CCKBR: variants seen among roughly 807,000 people sequenced by gnomAD.
CCKBR encodes the protein gastrin/cholecystokinin type B receptor.
A neutral mutation model predicts 34.6 loss-of-function variants in CCKBR; 33 were observed. That is an observed-to-expected ratio of 0.95 (90% CI 0.72 to 1.27). The LOEUF (loss-of-function observed/expected upper bound fraction) is 1.27, where lower values mean the gene tolerates loss of function less well. Ranked by LOEUF, CCKBR falls within the 50% of genes most tolerant of loss-of-function variation. The probability of loss-of-function intolerance (pLI) is 0.00; values close to 1 mark genes in which losing one functional copy is unlikely to be tolerated. For synonymous variants in CCKBR, 269 were observed against 267.5 expected (o/e 1.01, Z -0.06); for missense variants, 652 against 617.4 (o/e 1.06, Z -0.59).
intron 3 of CCKBR, 100 bp downstream of exon 3, chr11:6,270,437 C>T (rs1848281415): frequency 2.0e-6 from 3 of 1,470,704 alleles, no homozygotes; most frequent in Non-Finnish European, 2.8e-6. Flanking sequence ...CGGAGAATTA[C>T]CACGCCAACT....
rs199662788 is a variant in CCKBR, at chr11:6,270,201, C to G, written c.517C>G (p.Arg173Gly). ...RVWQTRSHAA[R>G]VIVATWLLSG... ...GTGGCAGACGCGCTCCCACGCGGCT[C>G]GCGTGATTGTAGCCACGTGGCTGCT... The change falls in exon 3 of 5, where the codon CGC (arginine) becomes GGC (glycine). Residue 173 changes from arginine (R) to glycine (G), a missense_variant. Transcript: ENST00000334619. 2.5e-6 allele frequency: 4 copies of G among 1,613,534 alleles called. No individual in the cohort carries two copies. The highest frequency in any genetic ancestry group is 1.7e-6 in the Non-Finnish European group (2 of 1,180,014).
At chr11:6,260,413 T>C (rs1280879026) in intron 1 of CCKBR, among the ~76,000 whole-genome samples, 1 of 151,990 alleles carries the variant, frequency 6.6e-6, no homozygotes, top group Non-Finnish European at 1.5e-5. Context: ...TTGCCAACCC[T>C]GCAGATCTCC....
Position 6,266,947 on chromosome 11 carries a change from G to A in CCKBR, c.152-2722G>A, listed in dbSNP as rs372051283. 3.9e-5 allele frequency among the ~76,000 whole-genome samples: 6 copies of A among 152,286 alleles called. No individual in the cohort carries two copies. The East Asian group carries it at 5.8e-4, about 15-fold the overall frequency. On this transcript the variant is annotated intron_variant, in intron 1 of 4. Transcript: ENST00000334619. Reference sequence around the variant, plus strand: ...ATATTACTGTGCTGAATATTGTAGGGAAGAGTAACACAATGTTATGTATTT... The same window carrying A: ...ATATTACTGTGCTGAATATTGTAGGAAAGAGTAACACAATGTTATGTATTT...
intron 1 of CCKBR, among the ~76,000 whole-genome samples, chr11:6,265,467 C>T (rs557376405): frequency 1.3e-3 from 198 of 151,772 alleles, no homozygotes; most frequent in African/African-American, 4.3e-3. Flanking sequence ...TGAGGTGTGG[C>T]GAATTGCATC....
At position 6,271,495 on chromosome 11, in the gene CCKBR, G is replaced by A. The variant is rs200083878; in HGVS notation, c.1296G>A (p.Ser432=). The A allele has an allele frequency of 6.2e-6, 10 of 1,610,326 alleles. No homozygotes were observed. In the East Asian group the frequency reaches 1.3e-4, roughly 22 times the overall value. ...ACCCTCCCACTCCCTCCATTGCTTCGCTGTCCAGGCTTAGCTACACCACCA... is the reference window on the plus strand; with the variant it reads ...ACCCTCCCACTCCCTCCATTGCTTCACTGTCCAGGCTTAGCTACACCACCA... ...DEDPPTPSIA[S]LSRLSYTTIS... Residue 432 remains serine, a synonymous_variant, in exon 5 of 5, where the codon TCG becomes TCA. Coordinates refer to ENST00000334619, the MANE Select transcript of CCKBR (RefSeq NM_176875.4).
In CCKBR at chr11:6,271,620, A is replaced by G; in HGVS notation, c.*77A>G. The stretch of plus-strand genomic sequence containing the variant: ...CTTCCAGACATACGAAACACAAACC[A>G]CAACTGACACAGGAAACCAACACCC... On this transcript the variant is annotated 3_prime_UTR_variant, in exon 5 of 5. Transcript: ENST00000334619. 7.3e-7 allele frequency: 1 copy of G among 1,375,956 alleles called. No individual in the cohort carries two copies. Among genetic ancestry groups the G allele is most frequent in the South Asian group, 1.4e-5 (1 of 70,670 alleles). The allele number at this position is 1,375,956 out of a possible 1,614,324, so 85.2% of individuals were successfully genotyped here.
chr11:6,266,394 C>G (rs569102282), intron 1 of CCKBR, among the ~76,000 whole-genome samples: 37 of 152,284 alleles, frequency 2.4e-4, no homozygotes, highest in African/African-American at 8.9e-4. Context: ...GAGGCTGAGG[C>G]AGGAGAATCG....
intron 1 of CCKBR, among the ~76,000 whole-genome samples, chr11:6,263,253 T>G (rs1488857875): frequency 6.6e-6 from 1 of 152,234 alleles, no homozygotes; most frequent in East Asian, 1.9e-4. Flanking sequence ...CGAAGTCATT[T>G]TGGTGTTACC....
rs757183608 is a variant in CCKBR at position 6,271,166 on chromosome 11, G to A, written c.967G>A (p.Ala323Thr). 1.9e-6 allele frequency: 3 copies of A among 1,614,188 alleles called. No homozygotes were observed. The South Asian group carries it at 3.3e-5, about 18-fold the overall frequency. ...GGGATCCGGCTCCCGGCCCACCCAG[G>A]CCAAGCTGCTGGCTAAGAAGCGCGT... Reference protein sequence around the residue: ...GPGSGSRPTQAKLLAKKRVVR... With the variant: ...GPGSGSRPTQTKLLAKKRVVR... Residue 323 changes from alanine to threonine, a missense_variant, in exon 5 of 5, where the codon GCC (alanine) becomes ACC (threonine). By Grantham distance (58) the Ala-to-Thr change is moderately conservative. Transcript: ENST00000334619.
chr11:6,269,600 A>G (rs1848260264), intron 1 of CCKBR, 69 bp from the exon 2 acceptor site: 4 of 1,563,466 alleles, frequency 2.6e-6, no homozygotes, highest in South Asian at 1.2e-5. Context: ...TGGGGATAAG[A>G]CGGAAGGAGG....
intron 1 of CCKBR, among the ~76,000 whole-genome samples, chr11:6,269,336 G>C (rs1848256279): frequency 1.3e-5 from 2 of 152,112 alleles, no homozygotes; most frequent in African/African-American, 4.8e-5. Flanking sequence ...TGCACTGATA[G>C]GGCACAGAAT....
chr11:6,268,303 C>T (rs1395453567), intron 1 of CCKBR, among the ~76,000 whole-genome samples: 1 of 152,166 alleles, frequency 6.6e-6, no homozygotes, highest in African/African-American at 2.4e-5. Context: ...TTGAGGCTTT[C>T]CTTCTCTGCA....
Position 6,269,791 on chromosome 11 carries a change from T to G in CCKBR, c.274T>G (p.Phe92Val). ...CCGCCTGAGGACTGTCACCAATGCC[T>G]TCCTCCTCTCACTGGCAGTCAGCGA... ...SRRLRTVTNA[F>V]LLSLAVSDLL... Residue 92 changes from phenylalanine to valine, a missense_variant, in exon 2 of 5, where the codon TTC (phenylalanine) becomes GTC (valine). By Grantham distance (50) the Phe-to-Val change is conservative (BLOSUM62 -1). Coordinates refer to ENST00000334619, the MANE Select transcript of CCKBR (RefSeq NM_176875.4). The G allele has an allele frequency of 6.2e-7, 1 of 1,614,174 alleles. No individual in the cohort carries two copies. The highest frequency in any genetic ancestry group is 8.5e-7 in the Non-Finnish European group (1 of 1,180,018).
intron 1 of CCKBR, chr11:6,264,602 T>A: frequency 2.9e-6 from 2 of 696,626 alleles, no homozygotes; most frequent in Non-Finnish European, 5.2e-6. Context: ...ACGGGTAGAC[T>A]TATCAAGGCA....
At chr11:6,262,726 A>AGAG (rs1554919173) in intron 1 of CCKBR, among the ~76,000 whole-genome samples, 5 of 112,498 alleles carry the variant, frequency 4.4e-5, no homozygotes, top group African/African-American at 1.9e-4. Context: ...GAGAGAGAGA[A>AGAG]AGAAAAGCAG....
chr11:6,270,489 C>T, intron 3 of CCKBR, 152 bp downstream of exon 3: 4 of 1,387,200 alleles, frequency 2.9e-6, no homozygotes, highest in South Asian at 2.7e-5. Context: ...GTTTGGGGCC[C>T]CTCCCCAGTT....
intron 1 of CCKBR, among the ~76,000 whole-genome samples, chr11:6,269,063 G>C (rs2133902581): frequency 6.6e-6 from 1 of 152,056 alleles, no homozygotes; most frequent in Non-Finnish European, 1.5e-5. Context: ...CTGCTGTACA[G>C]GGAGGGGGTG....
rs765074308 is a variant in CCKBR at position 6,270,316 on chromosome 11, G to T, written c.632G>T (p.Ser211Ile). ...RVLQCVHRWP[S>I]ARVRQTWSVL... ...CTGCAGTGCGTGCATCGCTGGCCCA[G>T]TGCGCGGGTCCGCCAGACCTGGTGA... Residue 211 changes from serine to isoleucine, a missense_variant, in exon 3 of 5, where the codon AGT (serine) becomes ATT (isoleucine). Transcript: ENST00000334619. 6.2e-7 allele frequency: 1 copy of T among 1,612,770 alleles called. No individual in the cohort carries two copies. Among genetic ancestry groups the T allele is most frequent in the Non-Finnish European group, 8.5e-7 (1 of 1,179,696 alleles).
rs1848100405 is a variant in CCKBR at position 6,259,895 on chromosome 11, C to A, written c.-34C>A. 1.4e-6 allele frequency: 2 copies of A among 1,401,010 alleles called. No individual in the cohort carries two copies. The highest frequency in any genetic ancestry group is 1.5e-5 in the African/African-American group (1 of 65,170). The allele number at this position is 1,401,010 out of a possible 1,614,324, so 86.8% of individuals were successfully genotyped here. A position where few individuals can be genotyped will look rare whatever the true frequency, so the allele number is the denominator to read the frequency against. On this transcript the variant is annotated 5_prime_UTR_variant, in exon 1 of 5. Coordinates refer to ENST00000334619, the MANE Select transcript of CCKBR (RefSeq NM_176875.4). ...GAGCCGCGTTGGGAGCCCGCCGGGT[C>A]GAGCTGAGTAAGGCGGCGGGCTCGG...
Sources: gnomAD v4.1 joint callset for allele counts (sites outside exome capture counted in the v4.1 genomes callset) on GRCh38, gnomAD v4.1.1 for gene constraint, MANE v1.5 for transcripts, NCBI Gene and HGNC (gene_info 2026-07-23, HGNC 2026-07-21) for gene names.